RBKS: variants seen among roughly 807,000 people sequenced by gnomAD.
RBKS encodes the protein ribokinase.
Under a neutral mutation model 33.9 loss-of-function variants are expected in RBKS, and 33 were observed. The ratio of observed to expected loss-of-function variants is 0.97; its 90% CI spans 0.74 to 1.30. The LOEUF (loss-of-function observed/expected upper bound fraction) is 1.30. Ranked by LOEUF, RBKS falls within the 50% of genes most tolerant of loss-of-function variation. The pLI is 0.00. For missense variants in RBKS, 361 were observed against 392.6 expected (o/e 0.92, Z 0.68); for synonymous variants, 125 against 143.0 (o/e 0.87, Z 0.90).
At chr2:27,834,881 A>G (rs115602591) in intron 5 of RBKS, among the ~76,000 whole-genome samples, 1 of 152,340 alleles carries the variant, frequency 6.6e-6, no homozygotes, top group Non-Finnish European at 1.5e-5. Flanking sequence ...TCCTACAGAA[A>G]TCCATAAGCA....
intron 1 of RBKS, among the ~76,000 whole-genome samples, chr2:27,862,094 C>A (rs55732827): frequency 0.076 from 11,459 of 151,608 alleles, 734 homozygotes; most frequent in African/African-American, 0.17. Flanking sequence ...ACCACAGGTG[C>A]ACACCACCAC....
intron 5 of RBKS, among the ~76,000 whole-genome samples, chr2:27,839,040 G>A (rs1475231085): frequency 6.6e-6 from 1 of 152,142 alleles, no homozygotes; most frequent in Non-Finnish European, 1.5e-5. Flanking sequence ...AGAAACCGGG[G>A]AAGAAAATCA....
chr2:27,820,279 A>T (rs1232996744), intron 7 of RBKS, among the ~76,000 whole-genome samples: 2 of 152,172 alleles, frequency 1.3e-5, no homozygotes, highest in Non-Finnish European at 2.9e-5. Context: ...TCCCCAGCCT[A>T]TACCCCTTCC....
chr2:27,848,057 A>C lies in RBKS; in HGVS notation c.263T>G (p.Leu88Ter). ...ACCTGTAGAAATATCATTCTGTTTT[A>C]AGTTTTCTATATAATCATTGCCAAA... ...DSFGNDYIEN[L>*]KQNDISTEFT... Residue 88 changes from leucine to a stop codon, truncating the protein, a stop_gained, in exon 3 of 8, where the codon TTA becomes TGA. Coordinates refer to ENST00000302188, the MANE Select transcript of RBKS (RefSeq NM_022128.3). LOFTEE classifies it high-confidence loss of function. 6.7e-7 allele frequency: 1 copy of C among 1,500,070 alleles called. No individual in the cohort carries two copies. The highest frequency in any genetic ancestry group is 9.2e-7 in the Non-Finnish European group (1 of 1,085,648). 92.9% of individuals were successfully genotyped at this position (1,500,070 alleles called of 1,614,324 possible). A position where few individuals can be genotyped will look rare whatever the true frequency, so the allele number is the denominator to read the frequency against.
At chr2:27,875,994 A>T (rs973702735) in intron 1 of RBKS, among the ~76,000 whole-genome samples, 1 of 152,248 alleles carries the variant, frequency 6.6e-6, no homozygotes, top group African/African-American at 2.4e-5. Context: ...CTTGGTGAGT[A>T]AGATGCAGAA....
At chr2:27,789,959 A>ATATATATG (rs1677486643) in intron 7 of RBKS, among the ~76,000 whole-genome samples, 1 of 137,972 alleles carries the variant, frequency 7.2e-6, no homozygotes, top group Non-Finnish European at 1.5e-5. Context: ...GTATATATAT[A>ATATATATG]TATATATATA....
rs116426367 is a variant in RBKS, at chr2:27,890,059, C to T, written c.89+198G>A. Reference sequence around the variant, plus strand: ...AAACCCTGGCCTATTACGTCCCCTCCCCTGAGATTTACCTTTATATACTCA... The same window carrying T: ...AAACCCTGGCCTATTACGTCCCCTCTCCTGAGATTTACCTTTATATACTCA... On this transcript the variant is annotated intron_variant, in intron 1 of 7. Coordinates refer to ENST00000302188, the MANE Select transcript of RBKS (RefSeq NM_022128.3). The surrounding 1 kb of genome is among the most constrained non-coding windows in gnomAD (Gnocchi z 4.8). 2,352 of 553,142 alleles carry T rather than the reference C, an allele frequency of 4.3e-3. 48 individuals carry two copies. Among genetic ancestry groups the T allele is most frequent in the African/African-American group, 0.039 (2,048 of 52,468 alleles). 34.3% of individuals were successfully genotyped at this position (553,142 alleles called of 1,614,324 possible).
In RBKS at chr2:27,849,744, C is replaced by T. The variant is rs116455973; in HGVS notation, c.223-1647G>A. 7.8e-3 allele frequency among the ~76,000 whole-genome samples: 1,188 copies of T among 152,072 alleles called. 12 individuals are homozygous for T. Among genetic ancestry groups the T allele is most frequent in the African/African-American group, 0.027 (1,119 of 41,478 alleles). On this transcript the variant is annotated intron_variant, in intron 2 of 7. Transcript: ENST00000302188. ...GGTCCACTTTGGTAACTGGATCTCC[C>T]CTGTTTTTGTCAGCATGAGTGTGTA...
At chr2:27,867,025 G>C (rs1329982606) in intron 1 of RBKS, among the ~76,000 whole-genome samples, 1 of 151,180 alleles carries the variant, frequency 6.6e-6, no homozygotes, top group Non-Finnish European at 1.5e-5. Context: ...GATTGCTTGT[G>C]CCTAGGAGGT....
chr2:27,798,056 C>G (rs1273283714), intron 7 of RBKS, among the ~76,000 whole-genome samples: 1 of 152,004 alleles, frequency 6.6e-6, no homozygotes, highest in African/African-American at 2.4e-5. Flanking sequence ...CATCTAGGAG[C>G]TATGAGACTT....
intron 7 of RBKS, chr2:27,809,543 T>C (rs1360963787): frequency 6.0e-6 from 1 of 166,912 alleles, no homozygotes; most frequent in East Asian, 1.7e-4. Flanking sequence ...AACTAAAATG[T>C]CTGTTAGTGA....
At chr2:27,884,139 T>C (rs1664477300) in intron 1 of RBKS, among the ~76,000 whole-genome samples, 1 of 152,230 alleles carries the variant, frequency 6.6e-6, no homozygotes, top group Non-Finnish European at 1.5e-5. Context: ...GATTTCTCTG[T>C]TCTAAATATG....
chr2:27,781,827 TCAATCTGTTGCC>T (rs1429950691), intron 7 of RBKS, 39 bp from the exon 8 acceptor site: 2 of 1,543,232 alleles, frequency 1.3e-6, no homozygotes, highest in East Asian at 4.6e-5. Context: ...AAGCATGTAG[TCAATCTGTTGCC>T]CAAACTGCAT....
chr2:27,858,299 A>T, intron 2 of RBKS, 140 bp downstream of exon 2: 1 of 684,602 alleles, frequency 1.5e-6, no homozygotes, highest in East Asian at 2.8e-5. Context: ...TGGTGGTTGA[A>T]TGTATTAAAT....
At position 27,781,498 on chromosome 2, in the gene RBKS, A is replaced by G; in HGVS notation, c.*117T>C. ...TGAAGCTTGAGGATGACTTCGTAAA[A>G]GAACTAATATTTGCAAAGAAAGGGG... is the stretch of plus-strand genomic sequence containing the variant. On this transcript the variant is annotated 3_prime_UTR_variant, in exon 8 of 8. Transcript: ENST00000302188. 2 of 769,668 alleles carry G rather than the reference A, an allele frequency of 2.6e-6. No homozygotes were observed. Among genetic ancestry groups the G allele is most frequent in the Non-Finnish European group, 2.0e-6 (1 of 489,160 alleles). The allele number at this position is 769,668 out of a possible 1,614,324, so 47.7% of individuals were successfully genotyped here.
chr2:27,869,579 CA>C (rs1664162458), intron 1 of RBKS, among the ~76,000 whole-genome samples: 1 of 152,096 alleles, frequency 6.6e-6, no homozygotes, highest in Non-Finnish European at 1.5e-5. Context: ...TTCCAGGGAC[CA>C]GGGGGAGGAA....
At chr2:27,869,426 T>C (rs1318422699) in intron 1 of RBKS, among the ~76,000 whole-genome samples, 2 of 152,192 alleles carry the variant, frequency 1.3e-5, no homozygotes, top group Non-Finnish European at 2.9e-5. Flanking sequence ...GAAGAGAGCA[T>C]ACAATTTCAT....
chr2:27,837,260 C>T lies in RBKS; in HGVS notation c.515-4483G>A, dbSNP rs1325202232. Among the ~76,000 whole-genome samples the T allele has an allele frequency of 1.3e-5, 2 of 150,668 alleles. No individual in the cohort carries two copies. The highest frequency in any genetic ancestry group is 6.6e-5 in the Admixed American group (1 of 15,190). On this transcript the variant is annotated intron_variant, in intron 5 of 7. Transcript: ENST00000302188. The surrounding 1 kb of genome is among the most constrained non-coding windows in gnomAD (Gnocchi z 4.0). ...CTGCACTCCAGCCTGGGCGATAGAGCGAGACTCCATCTCAAAAAACAAAAC... is the reference window on the plus strand; with the variant it reads ...CTGCACTCCAGCCTGGGCGATAGAGTGAGACTCCATCTCAAAAAACAAAAC...
intron 2 of RBKS, among the ~76,000 whole-genome samples, chr2:27,853,744 G>A (rs916340128): frequency 6.6e-6 from 1 of 152,206 alleles, no homozygotes; most frequent in Non-Finnish European, 1.5e-5. Context: ...TGATAGGTTT[G>A]AGATAATCCA....
Sources: allele counts gnomAD v4.1 joint callset (sites outside exome capture counted in the v4.1 genomes callset), GRCh38; gene constraint gnomAD v4.1.1; non-coding constraint Gnocchi (gnomAD v3.1); transcripts MANE v1.5; gene names NCBI Gene and HGNC (gene_info 2026-07-23, HGNC 2026-07-21).